LRRTM4: variants seen among roughly 807,000 people sequenced by gnomAD.
The protein encoded by LRRTM4 is leucine rich repeat transmembrane neuronal 4.
LRRTM4 carries 25 observed loss-of-function variants against 47.6 expected under a neutral mutation model. That is an observed-to-expected ratio of 0.53 (90% confidence interval 0.38 to 0.73). The LOEUF is 0.73. LRRTM4 is among the 30% of genes least tolerant of loss of function. The probability of loss-of-function intolerance (pLI) is 0.00; values close to 1 mark genes in which losing one functional copy is unlikely to be tolerated. For synonymous variants in LRRTM4, 311 were observed against 269.5 expected (o/e 1.15, Z -1.51); for missense variants, 638 against 713.4 (o/e 0.89, Z 1.20).
chr2:77,356,422 G>C (rs993937608), intron 3 of LRRTM4, among the ~76,000 whole-genome samples: 2 of 152,106 alleles, frequency 1.3e-5, no homozygotes, highest in Non-Finnish European at 2.9e-5. Flanking sequence ...AAGAAACTAA[G>C]AGAAGGGAGC....
Position 77,490,624 on chromosome 2 carries a change from T to TAAAAA in LRRTM4, c.1551+27689_1551+27693dup, listed in dbSNP as rs70956637. ...TCTTACCATAAAGTATCAAAAATAA[T>TAAAAA]AAAAAAAAACAGCAGTCTAAGTAGG... On this transcript the variant is annotated intron_variant, in intron 3 of 3. Transcript: ENST00000409884. Among the ~76,000 whole-genome samples the TAAAAA allele has an allele frequency of 8.0e-3, 1,206 of 150,620 alleles. 12 individuals carry two copies. The highest frequency in any genetic ancestry group is 0.025 in the African/African-American group (1,010 of 41,140).
At chr2:76,820,535 G>A (rs1671024121) in intron 3 of LRRTM4, among the ~76,000 whole-genome samples, 1 of 151,716 alleles carries the variant, frequency 6.6e-6, no homozygotes, top group Admixed American at 6.6e-5. Flanking sequence ...TGTATCGCTA[G>A]AAGAAATTTG....
intron 3 of LRRTM4, among the ~76,000 whole-genome samples, chr2:77,511,997 A>T (rs1679033602): frequency 6.6e-6 from 1 of 152,080 alleles, no homozygotes; most frequent in African/African-American, 2.4e-5. Context: ...CCCAGGTTGG[A>T]GCACAGAGGC....
At chr2:77,405,736 C>T (rs755057532) in intron 3 of LRRTM4, among the ~76,000 whole-genome samples, 1 of 152,136 alleles carries the variant, frequency 6.6e-6, no homozygotes. Context: ...AGCTAAGAAT[C>T]AGGTCTCAAG....
intron 3 of LRRTM4, among the ~76,000 whole-genome samples, chr2:76,910,477 C>T (rs1231424676): frequency 6.6e-6 from 1 of 151,806 alleles, no homozygotes; most frequent in Non-Finnish European, 1.5e-5. Flanking sequence ...GCACATGTAC[C>T]CTAAAACTTA....
In LRRTM4 at chr2:76,807,443, T is replaced by TATATACAC. The variant is rs1340328428; in HGVS notation, c.1552-58528_1552-58527insGTGTATAT. 5.4e-4 allele frequency among the ~76,000 whole-genome samples: 54 copies of TATATACAC among 99,488 alleles called. 1 individual carries two copies. The highest frequency in any genetic ancestry group is 2.7e-3 in the African/African-American group (45 of 16,688). The allele number at this position is 99,488 out of a possible 152,430, so 65.3% of individuals were successfully genotyped here. A position where few individuals can be genotyped will look rare whatever the true frequency, so the allele number is the denominator to read the frequency against. On this transcript the variant is annotated intron_variant, in intron 3 of 3. Transcript: ENST00000409884. ...ATATATACATATATATATACGTATATACATATATATATATACATATATATA... is the reference window on the plus strand; with the variant it reads ...ATATATACATATATATATACGTATATATATACACACATATATATATATACATATATATA...
chr2:76,899,311 C>CCACA (rs34031809), intron 3 of LRRTM4, among the ~76,000 whole-genome samples: 2,465 of 136,380 alleles, frequency 0.018, 36 homozygotes, highest in African/African-American at 0.035. Flanking sequence ...GACTAATAAA[C>CCACA]CACACACACA....
intron 3 of LRRTM4, among the ~76,000 whole-genome samples, chr2:77,083,157 T>C (rs1429758053): frequency 6.6e-6 from 1 of 152,194 alleles, no homozygotes; most frequent in Non-Finnish European, 1.5e-5. Context: ...ATCCCTTTAA[T>C]TTTCCATAAA....
chr2:76,885,620 C>T (rs1673051190), intron 3 of LRRTM4, among the ~76,000 whole-genome samples: 2 of 152,020 alleles, frequency 1.3e-5, no homozygotes, highest in Non-Finnish European at 2.9e-5. Context: ...CCACCGCCAC[C>T]ACGTCCGGCT....
At chr2:76,929,885 T>A (rs1674712445) in intron 3 of LRRTM4, among the ~76,000 whole-genome samples, 1 of 152,024 alleles carries the variant, frequency 6.6e-6, no homozygotes, top group South Asian at 2.1e-4. Context: ...GAATATGTTT[T>A]GTACTAAAAT....
intron 3 of LRRTM4, among the ~76,000 whole-genome samples, chr2:77,477,305 T>C (rs1287747137): frequency 6.6e-6 from 1 of 152,130 alleles, no homozygotes; most frequent in Non-Finnish European, 1.5e-5. Flanking sequence ...GAGAGTTCCA[T>C]GGCAAAACCA....
chr2:77,154,993 T>C (rs1258874300), intron 3 of LRRTM4, among the ~76,000 whole-genome samples: 1 of 152,182 alleles, frequency 6.6e-6, no homozygotes, highest in Non-Finnish European at 1.5e-5. Flanking sequence ...CACTACTAAC[T>C]GTCAATTTTA....
chr2:76,845,995 A>G (rs1004133274), intron 3 of LRRTM4, among the ~76,000 whole-genome samples: 2 of 152,266 alleles, frequency 1.3e-5, no homozygotes, highest in Admixed American at 1.3e-4. Context: ...CCCAATGCAG[A>G]TGGAAAATAC....
At chr2:77,015,400 G>A (rs908132078) in intron 3 of LRRTM4, among the ~76,000 whole-genome samples, 5 of 151,874 alleles carry the variant, frequency 3.3e-5, no homozygotes, top group East Asian at 1.9e-4. Flanking sequence ...GCAGTGGTGC[G>A]ATCTTAGCTC....
At chr2:77,029,242 G>T (rs62170895) in intron 3 of LRRTM4, among the ~76,000 whole-genome samples, 18,655 of 151,758 alleles carry the variant, frequency 0.12, 1,414 homozygotes, top group Admixed American at 0.19. Context: ...ATGAATGGGA[G>T]TTTATTAGGA....
chr2:76,888,356 A>G (rs1211460796), intron 3 of LRRTM4, among the ~76,000 whole-genome samples: 1 of 151,374 alleles, frequency 6.6e-6, no homozygotes, highest in Non-Finnish European at 1.5e-5. Context: ...AATTGTACGT[A>G]TATATTTAGA....
At chr2:77,254,943 A>G (rs1245347062) in intron 3 of LRRTM4, among the ~76,000 whole-genome samples, 1 of 151,748 alleles carries the variant, frequency 6.6e-6, no homozygotes, top group Non-Finnish European at 1.5e-5. Flanking sequence ...CATATCAATA[A>G]TTACATTCAT....
intron 3 of LRRTM4, among the ~76,000 whole-genome samples, chr2:77,458,752 T>C (rs1244612458): frequency 6.6e-6 from 1 of 151,404 alleles, no homozygotes; most frequent in Non-Finnish European, 1.5e-5. Flanking sequence ...TAGAAATTTG[T>C]CAATATTTTC....
At chr2:77,199,103 T>C (rs1028149520) in intron 3 of LRRTM4, among the ~76,000 whole-genome samples, 19 of 152,186 alleles carry the variant, frequency 1.2e-4, no homozygotes, top group African/African-American at 4.3e-4. Context: ...TAATACTTAT[T>C]GAATGCTAAT....
Sources: gnomAD v4.1 joint callset for allele counts (sites outside exome capture counted in the v4.1 genomes callset) on GRCh38, gnomAD v4.1.1 for gene constraint, MANE v1.5 for transcripts, NCBI Gene and HGNC (gene_info 2026-07-23, HGNC 2026-07-21) for gene names.